Variants in KIF26B observed in about 807,000 individuals in gnomAD.
KIF26B encodes the protein kinesin-like protein KIF26B.
A neutral mutation model predicts 151.2 loss-of-function variants in KIF26B; 63 were observed. The ratio of observed to expected loss-of-function variants is 0.42; its 90% CI spans 0.34 to 0.51. The LOEUF is 0.51. Ranked by LOEUF, KIF26B falls within the 20% of genes least tolerant of loss-of-function variation. The probability of loss-of-function intolerance (pLI) is 0.07; values close to 1 mark genes in which losing one functional copy is unlikely to be tolerated. For missense variants in KIF26B, 2,813 were observed against 2,913.6 expected (o/e 0.97, Z 0.79); for synonymous variants, 1,357 against 1,262.1 (o/e 1.08, Z -1.59).
In KIF26B at chr1:245,512,538, T is replaced by G. The variant is rs920529373; in HGVS notation, c.1167-28229T>G. Among the ~76,000 whole-genome samples the G allele has an allele frequency of 1.3e-5, 2 of 152,194 alleles. No homozygotes were observed. The highest frequency in any genetic ancestry group is 2.9e-5 in the Non-Finnish European group (2 of 68,040). Reference sequence around the variant, plus strand: ...TCCTAACAACTTTATTAATTGGGGTTTAACATCATCAAGGGCTGTAGCACT... The same window carrying G: ...TCCTAACAACTTTATTAATTGGGGTGTAACATCATCAAGGGCTGTAGCACT... On this transcript the variant is annotated intron_variant, in intron 4 of 14. Coordinates refer to ENST00000407071, the MANE Select transcript of KIF26B (RefSeq NM_018012.4). This position sits in a 1 kb window ranked among gnomAD's most constrained non-coding sequence, Gnocchi z 4.3.
intron 2 of KIF26B, among the ~76,000 whole-genome samples, chr1:245,357,123 C>T (rs1047709985): frequency 5.3e-5 from 8 of 152,070 alleles, no homozygotes; most frequent in South Asian, 2.1e-4. Context: ...ACCAGGAGGC[C>T]GAGTCCTGCA....
At chr1:245,342,876 A>G (rs1047717710) in intron 2 of KIF26B, among the ~76,000 whole-genome samples, 10 of 152,178 alleles carry the variant, frequency 6.6e-5, no homozygotes, top group Admixed American at 2.0e-4. Context: ...GCCTGAGGTC[A>G]GGAGTTCAAG....
intron 10 of KIF26B, among the ~76,000 whole-genome samples, chr1:245,656,148 T>TA (rs1312835707): frequency 6.6e-6 from 1 of 152,160 alleles, no homozygotes; most frequent in East Asian, 1.9e-4. Context: ...TTGGGCAACT[T>TA]ACAGTGTAGC....
At chr1:245,431,957 C>T (rs1308913755) in intron 4 of KIF26B, among the ~76,000 whole-genome samples, 2 of 152,072 alleles carry the variant, frequency 1.3e-5, no homozygotes, top group African/African-American at 4.8e-5. Context: ...TATTGACCTC[C>T]TTGCTTTTCC....
intron 2 of KIF26B, among the ~76,000 whole-genome samples, chr1:245,206,032 C>T (rs1390922680): frequency 2.6e-5 from 4 of 152,092 alleles, no homozygotes; most frequent in Non-Finnish European, 4.4e-5. Flanking sequence ...GTCACTGAGC[C>T]CAGCCCCCAA....
Position 245,218,321 on chromosome 1 carries a change from CAG to C in KIF26B, c.465+61639_465+61640del, listed in dbSNP as rs1431652142. On this transcript the variant is annotated intron_variant, in intron 2 of 14. Coordinates refer to ENST00000407071, the MANE Select transcript of KIF26B (RefSeq NM_018012.4). The surrounding 1 kb of genome is among the most constrained non-coding windows in gnomAD (Gnocchi z 4.1). The stretch of plus-strand genomic sequence containing the variant: ...CCTGGTCTGGTTAGCATAAGATAAA[CAG>C]GGATAGTAGCAGCAGTTGTCACTCT... Among the ~76,000 whole-genome samples, 2 of 152,026 alleles carry C rather than the reference CAG, an allele frequency of 1.3e-5. No individual in the cohort carries two copies. The highest frequency in any genetic ancestry group is 4.8e-5 in the African/African-American group (2 of 41,366).
chr1:245,313,489 C>T (rs1472642127), intron 2 of KIF26B, among the ~76,000 whole-genome samples: 9 of 152,190 alleles, frequency 5.9e-5, no homozygotes, highest in South Asian at 4.1e-4. Context: ...GCCCGATGCA[C>T]GGGCGGTTGT....
intron 2 of KIF26B, among the ~76,000 whole-genome samples, chr1:245,236,503 A>G (rs1029512431): frequency 3.3e-5 from 5 of 152,330 alleles, no homozygotes; most frequent in South Asian, 2.1e-4. Context: ...TATGTGAACT[A>G]TAGGATTTTT....
At chr1:245,230,801 G>A (rs1488266580) in intron 2 of KIF26B, among the ~76,000 whole-genome samples, 1 of 150,638 alleles carries the variant, frequency 6.6e-6, no homozygotes, top group Non-Finnish European at 1.5e-5. Context: ...AATACTCCCT[G>A]AAAACAACCA....
intron 4 of KIF26B, among the ~76,000 whole-genome samples, chr1:245,441,989 T>G (rs1321000469): frequency 6.6e-6 from 1 of 152,238 alleles, no homozygotes; most frequent in African/African-American, 2.4e-5. Context: ...TTTGGGTAAC[T>G]TCTGATCTAC....
intron 3 of KIF26B, among the ~76,000 whole-genome samples, chr1:245,397,965 GGCT>G (rs1351885197): frequency 2.0e-5 from 3 of 152,296 alleles, no homozygotes; most frequent in South Asian, 4.1e-4. Flanking sequence ...AGTAATTTTT[GGCT>G]GACTTGCAAA....
intron 3 of KIF26B, among the ~76,000 whole-genome samples, chr1:245,401,842 C>T (rs1184065803): frequency 6.6e-6 from 1 of 151,992 alleles, no homozygotes; most frequent in African/African-American, 2.4e-5. Context: ...TGCACTCCAG[C>T]CTGGGAGACA....
intron 2 of KIF26B, among the ~76,000 whole-genome samples, chr1:245,265,000 CCATCCTGGCTAA>C (rs1259427759): frequency 3.3e-5 from 5 of 151,596 alleles, no homozygotes; most frequent in African/African-American, 1.2e-4. Flanking sequence ...GAGATCGAGA[CCATCCTGGCTAA>C]CACGGTGAAA....
At position 245,602,282 on chromosome 1, in the gene KIF26B, C is replaced by T. The variant is rs1003675905; in HGVS notation, c.1351-295C>T. On this transcript the variant is annotated intron_variant, in intron 5 of 14. Coordinates refer to ENST00000407071, the MANE Select transcript of KIF26B (RefSeq NM_018012.4). This position sits in a 1 kb window ranked among gnomAD's most constrained non-coding sequence, Gnocchi z 4.5. Reference sequence around the variant, plus strand: ...CCTTTTCATCTGTGTAATTGGGCCACGAGGGCGCAGTTAATATTCAATTTA... The same window carrying T: ...CCTTTTCATCTGTGTAATTGGGCCATGAGGGCGCAGTTAATATTCAATTTA... 2.0e-5 allele frequency among the ~76,000 whole-genome samples: 3 copies of T among 152,024 alleles called. No homozygotes were observed. Among genetic ancestry groups the T allele is most frequent in the Admixed American group, 6.6e-5 (1 of 15,260 alleles).
At chr1:245,395,870 C>T (rs1021893646) in intron 3 of KIF26B, among the ~76,000 whole-genome samples, 2 of 152,206 alleles carry the variant, frequency 1.3e-5, no homozygotes, top group African/African-American at 4.8e-5. Flanking sequence ...TCCTTGGCTA[C>T]TTCTAGCTCT....
At chr1:245,262,455 T>C (rs575424891) in intron 2 of KIF26B, among the ~76,000 whole-genome samples, 1 of 152,162 alleles carries the variant, frequency 6.6e-6, no homozygotes, top group South Asian at 2.1e-4. Flanking sequence ...TATTTGTTTG[T>C]TTTTTATTTT....
At chr1:245,175,476 G>A (rs1298170022) in intron 2 of KIF26B, among the ~76,000 whole-genome samples, 3 of 152,178 alleles carry the variant, frequency 2.0e-5, no homozygotes, top group African/African-American at 7.2e-5. Context: ...GAACTTGGAA[G>A]AGGCAAAGTA....
At chr1:245,539,835 T>C (rs1661570296) in intron 4 of KIF26B, among the ~76,000 whole-genome samples, 1 of 152,116 alleles carries the variant, frequency 6.6e-6, no homozygotes, top group South Asian at 2.1e-4. Context: ...GTATTTTTAG[T>C]AGAGATGGGG....
At chr1:245,680,495 A>G (rs2044420345) in intron 10 of KIF26B, among the ~76,000 whole-genome samples, 1 of 152,156 alleles carries the variant, frequency 6.6e-6, no homozygotes, top group South Asian at 2.1e-4. Context: ...ACATTTTACC[A>G]TGTGATTGAG....
Sources: gnomAD v4.1 joint callset for allele counts (sites outside exome capture counted in the v4.1 genomes callset) on GRCh38, gnomAD v4.1.1 for gene constraint, Gnocchi (gnomAD v3.1) non-coding constraint, MANE v1.5 for transcripts, NCBI Gene and HGNC (gene_info 2026-07-23, HGNC 2026-07-21) for gene names.